Variants in ANKRD36 observed in about 807,000 individuals in gnomAD.
The protein encoded by ANKRD36 is ankyrin repeat domain-containing protein 36A.
A neutral mutation model predicts 278.1 loss-of-function variants in ANKRD36; 179 were observed. That is an observed-to-expected ratio of 0.64 (90% confidence interval 0.57 to 0.73). The LOEUF (loss-of-function observed/expected upper bound fraction) is 0.73, where lower values mean the gene tolerates loss of function less well. ANKRD36 is among the 30% of genes least tolerant of loss of function. The probability of loss-of-function intolerance (pLI) is 0.00; values close to 1 mark genes in which losing one functional copy is unlikely to be tolerated. For synonymous variants in ANKRD36, 320 were observed against 641.1 expected (o/e 0.50, Z 7.57); for missense variants, 1,159 against 1,956.7 (o/e 0.59, Z 7.69).
rs750071383 is a variant in ANKRD36 at position 97,193,012 on chromosome 2, G to T, written c.2408G>T (p.Ser803Ile). The T allele has an allele frequency of 1.9e-6, 3 of 1,572,570 alleles. No homozygotes were observed. Among genetic ancestry groups the T allele is most frequent in the Middle Eastern group, 1.7e-4 (1 of 5,910 alleles). Reference sequence around the variant, plus strand: ...AGTGACGAGGAAGGTTCTGTTTTGAGTATAGCCAGAGAAAACAAGGATGGA... The same window carrying T: ...AGTGACGAGGAAGGTTCTGTTTTGATTATAGCCAGAGAAAACAAGGATGGA... ...ATSDEEGSVL[S>I]IARENKDGEK... The change falls in exon 38 of 76, where the codon AGT becomes ATT. Residue 803 changes from serine (S) to isoleucine (I), a missense_variant. Coordinates refer to ENST00000420699, the MANE Select transcript of ANKRD36 (RefSeq NM_001354587.1).
At chr2:97,256,264 G>A (rs1457371350) in intron 75 of ANKRD36, among the ~76,000 whole-genome samples, 1 of 149,154 alleles carries the variant, frequency 6.7e-6, no homozygotes, top group African/African-American at 2.4e-5. Context: ...GGCTGAGGTA[G>A]GAGAATTGCT....
At position 97,185,492 on chromosome 2, in the gene ANKRD36, G is replaced by A. The variant is rs760501637; in HGVS notation, c.2023G>A (p.Gly675Arg). Residue 675 changes from glycine to arginine, a missense_variant, in exon 30 of 76, where the codon GGA (glycine) becomes AGA (arginine). Physicochemically the swap from Gly to Arg is moderately radical, Grantham distance 125 (BLOSUM62 -2). Coordinates refer to ENST00000420699, the MANE Select transcript of ANKRD36 (RefSeq NM_001354587.1). ...ALNIATEIKDGLQCGTVSSQK... is the reference protein window; with the variant it reads ...ALNIATEIKDRLQCGTVSSQK... Reference sequence around the variant, plus strand: ...GAATATAGCTACAGAAATAAAGGATGGACTACAGTGTGGGACAGGTAATTT... The same window carrying A: ...GAATATAGCTACAGAAATAAAGGATAGACTACAGTGTGGGACAGGTAATTT... The A allele has an allele frequency of 7.4e-6, 12 of 1,610,906 alleles. No homozygotes were observed. Among genetic ancestry groups the A allele is most frequent in the South Asian group, 1.1e-5 (1 of 90,728 alleles).
intron 6 of ANKRD36, among the ~76,000 whole-genome samples, chr2:97,129,430 A>G (rs2039488702): frequency 1.3e-5 from 2 of 151,628 alleles, no homozygotes; most frequent in Admixed American, 1.3e-4. Flanking sequence ...TTGTCTGTTC[A>G]CTCTGATGGT....
intron 42 of ANKRD36, 49 bp from the exon 43 acceptor site, chr2:97,198,414 T>A (rs941978071): frequency 1.3e-6 from 2 of 1,560,306 alleles, no homozygotes; most frequent in African/African-American, 2.7e-5. Flanking sequence ...GTATGGATAA[T>A]TTTGTCGTTT....
chr2:97,202,576 T>G (rs201474380), intron 48 of ANKRD36, among the ~76,000 whole-genome samples, 183 bp downstream of exon 48: 1 of 151,804 alleles, frequency 6.6e-6, no homozygotes, highest in African/African-American at 2.4e-5. Context: ...TGATCTTCGC[T>G]GTAAGATTAT....
intron 46 of ANKRD36, among the ~76,000 whole-genome samples, chr2:97,200,729 T>A (rs2061136857): frequency 6.6e-6 from 1 of 151,868 alleles, no homozygotes; most frequent in Admixed American, 6.6e-5. Flanking sequence ...CATCCCCACA[T>A]TACAATTGGG....
chr2:97,187,365 G>C lies in ANKRD36; in HGVS notation c.2107G>C (p.Ala703Pro). ...CGAGGAAGACTCTGTTTCGAATATAGCCACAGAAATAAAGGATGGAGAAAA... is the reference window on the plus strand; with the variant it reads ...CGAGGAAGACTCTGTTTCGAATATACCCACAGAAATAAAGGATGGAGAAAA... ...TDEEDSVSNIATEIKDGEKSG... is the reference protein window; with the variant it reads ...TDEEDSVSNIPTEIKDGEKSG... The change falls in exon 32 of 76, where the codon GCC (alanine) becomes CCC (proline). Residue 703 changes from alanine (A) to proline (P), a missense_variant. Ala to Pro is a conservative substitution (Grantham distance 27). Coordinates refer to ENST00000420699, the MANE Select transcript of ANKRD36 (RefSeq NM_001354587.1). 6.2e-7 allele frequency: 1 copy of C among 1,608,482 alleles called. No homozygotes were observed. Among genetic ancestry groups the C allele is most frequent in the South Asian group, 1.1e-5 (1 of 90,332 alleles).
intron 22 of ANKRD36, among the ~76,000 whole-genome samples, chr2:97,175,373 G>A (rs954436906): frequency 1.3e-4 from 20 of 151,650 alleles, no homozygotes; most frequent in Non-Finnish European, 4.4e-5. Flanking sequence ...ATGTGTCTAG[G>A]AATTTATCCA....
intron 66 of ANKRD36, among the ~76,000 whole-genome samples, chr2:97,223,111 T>TG (rs1489760728): frequency 7.3e-5 from 11 of 149,816 alleles, no homozygotes; most frequent in Non-Finnish European, 1.0e-4. Context: ...TTTTTTTTTT[T>TG]TTTTTTTGAG....
rs1342485238 is a variant in ANKRD36, at chr2:97,159,763, TTAA to T, written c.1389+1112_1389+1114del. The stretch of plus-strand genomic sequence containing the variant: ...TAATAAAAATTAATTAATACATAAA[TTAA>T]TAAAAATTAAAATTTCTGGTTAATT... On this transcript the variant is annotated intron_variant, in intron 17 of 75. Transcript: ENST00000420699. Among the ~76,000 whole-genome samples the T allele has an allele frequency of 1.7e-4, 26 of 151,126 alleles. 3 individuals carry two copies. In the East Asian group the frequency reaches 5.1e-3, roughly 30 times the overall value.
rs1207506193 is a variant in ANKRD36, at chr2:97,164,404, T to C, written c.1466T>C (p.Val489Ala). The stretch of plus-strand genomic sequence containing the variant: ...GTTGTCAAACCCATTCAGCATACGG[T>C]GAAAGACAGAGATCACATTTCAACT... The part of the protein sequence containing the change: ...PEQPPLFTHT[V>A]KDRDHISTRF... Residue 489 changes from valine to alanine, a missense_variant, in exon 20 of 76, where the codon GTG (valine) becomes GCG (alanine). Coordinates refer to ENST00000420699, the MANE Select transcript of ANKRD36 (RefSeq NM_001354587.1). 2.6e-6 allele frequency: 4 copies of C among 1,537,680 alleles called. No homozygotes were observed. The Admixed American group carries it at 7.8e-5, about 30-fold the overall frequency.
chr2:97,203,543 G>GATGA (rs1162772848), intron 48 of ANKRD36, among the ~76,000 whole-genome samples: 2 of 151,976 alleles, frequency 1.3e-5, no homozygotes, highest in Non-Finnish European at 2.9e-5. Flanking sequence ...TATCCAAGGT[G>GATGA]ATGAATGTAG....
chr2:97,198,884 A>T (rs1242708539), intron 44 of ANKRD36, among the ~76,000 whole-genome samples: 10 of 151,832 alleles, frequency 6.6e-5, no homozygotes, highest in Middle Eastern at 3.4e-3. Flanking sequence ...GGAAGAAGAA[A>T]TATGGAGAGC....
At chr2:97,260,413 TACACACACACAA>T (rs1421312721) in intron 75 of ANKRD36, among the ~76,000 whole-genome samples, 3 of 130,692 alleles carry the variant, frequency 2.3e-5, no homozygotes, top group Non-Finnish European at 4.6e-5. Flanking sequence ...CATACACATA[TACACACACACAA>T]ACACACACAC....
chr2:97,229,997 C>T (rs1318017858), intron 67 of ANKRD36, among the ~76,000 whole-genome samples: 25 of 152,186 alleles, frequency 1.6e-4, no homozygotes, highest in East Asian at 7.8e-4. Flanking sequence ...GAGTTTCTGC[C>T]GAGAGATCCA....
chr2:97,225,873 G>C (rs1451941317), intron 67 of ANKRD36, among the ~76,000 whole-genome samples: 4 of 150,916 alleles, frequency 2.7e-5, no homozygotes, highest in Non-Finnish European at 5.9e-5. Context: ...AGAACATGCA[G>C]TGTTTGGTTT....
intron 24 of ANKRD36, among the ~76,000 whole-genome samples, chr2:97,180,200 C>T (rs964399261): frequency 2.0e-5 from 3 of 151,492 alleles, no homozygotes; most frequent in African/African-American, 7.3e-5. Context: ...GCTAAGGGAG[C>T]AGCATAATTT....
intron 4 of ANKRD36, among the ~76,000 whole-genome samples, chr2:97,123,957 T>TTTTATA (rs373971301): frequency 1.6e-4 from 22 of 141,806 alleles, no homozygotes; most frequent in Non-Finnish European, 2.8e-4. Context: ...TCCTCCATAT[T>TTTTATA]TATATATATA....
chr2:97,137,787 A>G (rs941639713), intron 6 of ANKRD36, among the ~76,000 whole-genome samples: 4 of 152,016 alleles, frequency 2.6e-5, no homozygotes, highest in African/African-American at 9.7e-5. Context: ...TGACCTTTTA[A>G]CGATTGCCAT....
Sources: gnomAD v4.1 joint callset for allele counts (sites outside exome capture counted in the v4.1 genomes callset) on GRCh38, gnomAD v4.1.1 for gene constraint, MANE v1.5 for transcripts, NCBI Gene and HGNC (gene_info 2026-07-23, HGNC 2026-07-21) for gene names.